CACNA1A: variants seen among roughly 807,000 people sequenced by gnomAD.
The protein encoded by CACNA1A is calcium voltage-gated channel subunit alpha1 A.
CACNA1A carries 57 observed loss-of-function variants against 262.4 expected under a neutral mutation model. That is an observed-to-expected ratio of 0.22 (90% CI 0.18 to 0.27). The LOEUF is 0.27. Among genes scored for constraint, CACNA1A ranks in the 10% least tolerant of loss-of-function variants. The probability of loss-of-function intolerance (pLI) is 1.00; values close to 1 mark genes in which losing one functional copy is unlikely to be tolerated. For missense variants in CACNA1A, 2,526 were observed against 3,562.8 expected (o/e 0.71, Z 7.41); for synonymous variants, 1,431 against 1,419.3 (o/e 1.01, Z -0.18).
At chr19:13,497,419 C>T (rs1264567872) in intron 1 of CACNA1A, among the ~76,000 whole-genome samples, 4 of 128,116 alleles carry the variant, frequency 3.1e-5, no homozygotes, top group Admixed American at 8.7e-5. Flanking sequence ...ACCCGGGAGG[C>T]GGAGGTTGCA....
chr19:13,294,410 G>A lies in CACNA1A; in HGVS notation c.3089+4134C>T, dbSNP rs538949993. On this transcript the variant is annotated intron_variant, in intron 19 of 46. Transcript: ENST00000360228. ...TTCTCTAAATGCTCAGGCTGGTCTC[G>A]AACTCCTGGGCTCAAGCAATCCTTT... Among the ~76,000 whole-genome samples the A allele has an allele frequency of 4.0e-5, 6 of 150,496 alleles. No individual in the cohort carries two copies. The South Asian group carries it at 8.4e-4, about 21-fold the overall frequency.
chr19:13,275,589 G>A (rs534118992), intron 24 of CACNA1A: 1 of 517,328 alleles, frequency 1.9e-6, no homozygotes, highest in Non-Finnish European at 3.5e-6. Context: ...ACAGCAAGGG[G>A]CCAGTGATGT....
chr19:13,461,459 G>A (rs2061123525), intron 1 of CACNA1A, among the ~76,000 whole-genome samples: 1 of 152,226 alleles, frequency 6.6e-6, no homozygotes, highest in Non-Finnish European at 1.5e-5. Flanking sequence ...CTCAAGCCAA[G>A]TCTCCATGAG....
At chr19:13,393,506 T>C (rs972877276) in intron 3 of CACNA1A, among the ~76,000 whole-genome samples, 1 of 69,980 alleles carries the variant, frequency 1.4e-5, no homozygotes, top group Non-Finnish European at 4.3e-5. Flanking sequence ...CTTCCTTCCT[T>C]TCCTTCCTTC....
At chr19:13,416,218 A>G (rs887936782) in intron 3 of CACNA1A, among the ~76,000 whole-genome samples, 5 of 152,112 alleles carry the variant, frequency 3.3e-5, no homozygotes, top group Admixed American at 2.6e-4. Flanking sequence ...CTCCTGCCTC[A>G]TCCTCCCGAG....
intron 40 of CACNA1A, chr19:13,213,986 A>C: frequency 1.2e-5 from 6 of 483,422 alleles, no homozygotes; most frequent in East Asian, 3.7e-5. Context: ...ATGCCTGGCT[A>C]ATGTTTTATT....
chr19:13,245,368 A>C (rs530790833), intron 30 of CACNA1A, 103 bp from the exon 31 acceptor site: 1 of 843,548 alleles, frequency 1.2e-6, no homozygotes, highest in East Asian at 2.5e-5. Context: ...CCATCAGCGG[A>C]GTGCCCGGGA....
rs554417222 is a variant in CACNA1A, at chr19:13,436,268, G to A, written c.539+16608C>T. On this transcript the variant is annotated intron_variant, in intron 3 of 46. Coordinates refer to ENST00000360228, the MANE Select transcript of CACNA1A (RefSeq NM_001127222.2). ...CCTTGGCTGGTACAGCTGCTGAGGC[G>A]AGTGTGATTCTGAGGTTGGGGCTTT... Among the ~76,000 whole-genome samples, 10 of 152,278 alleles carry A rather than the reference G, an allele frequency of 6.6e-5. No homozygotes were observed. In the East Asian group the frequency reaches 1.2e-3, roughly 18 times the overall value.
chr19:13,340,060 G>A (rs1465815374), intron 6 of CACNA1A, among the ~76,000 whole-genome samples: 1 of 152,168 alleles, frequency 6.6e-6, no homozygotes, highest in Non-Finnish European at 1.5e-5. Flanking sequence ...CCCAGGGAAC[G>A]AAACTCTGCA....
intron 8 of CACNA1A, 101 bp downstream of exon 8, chr19:13,334,277 T>A (rs1411209366): frequency 2.7e-6 from 2 of 729,402 alleles, no homozygotes; most frequent in Non-Finnish European, 5.0e-6. Context: ...TCTCCTCCCA[T>A]CATAACCCTC....
chr19:13,345,213 G>A lies in CACNA1A; in HGVS notation c.979-9304C>T, dbSNP rs183601542. Among the ~76,000 whole-genome samples the A allele has an allele frequency of 1.4e-4, 22 of 152,204 alleles. No homozygotes were observed. The East Asian group carries it at 2.5e-3, about 17-fold the overall frequency. On this transcript the variant is annotated intron_variant, in intron 6 of 46. Coordinates refer to ENST00000360228, the MANE Select transcript of CACNA1A (RefSeq NM_001127222.2). ...ATGAAATACTCCCCACATCTTCCTC[G>A]ATTCCCGCCATCTCTGTGCCTGGTG...
chr19:13,471,671 C>A (rs571950630), intron 1 of CACNA1A, among the ~76,000 whole-genome samples: 1 of 152,170 alleles, frequency 6.6e-6, no homozygotes, highest in East Asian at 1.9e-4. Flanking sequence ...AAGCCAGACA[C>A]GAAAGGTCAC....
At chr19:13,350,320 A>G (rs971865938) in intron 6 of CACNA1A, among the ~76,000 whole-genome samples, 2 of 152,148 alleles carry the variant, frequency 1.3e-5, no homozygotes, top group Non-Finnish European at 2.9e-5. Context: ...CTGCTAAACT[A>G]TCACCTCTTC....
chr19:13,496,236 G>A (rs1292316732), intron 1 of CACNA1A, among the ~76,000 whole-genome samples: 1 of 152,210 alleles, frequency 6.6e-6, no homozygotes, highest in Non-Finnish European at 1.5e-5. Context: ...CTCTTTCAAA[G>A]ACAACTCAAG....
intron 3 of CACNA1A, among the ~76,000 whole-genome samples, chr19:13,419,879 A>G (rs2060287452): frequency 6.6e-6 from 1 of 152,070 alleles, no homozygotes; most frequent in Non-Finnish European, 1.5e-5. Context: ...TGAGGTCAGG[A>G]GTTCGAGACC....
chr19:13,226,026 G>GTGA (rs2055423259), intron 37 of CACNA1A: 1 of 151,780 alleles, frequency 6.6e-6, no homozygotes, highest in African/African-American at 2.4e-5. Context: ...AGCTTCCCAG[G>GTGA]TGATAGAAAA....
chr19:13,330,468 C>A, intron 9 of CACNA1A, 135 bp from the exon 10 acceptor site: 1 of 711,718 alleles, frequency 1.4e-6, no homozygotes, highest in South Asian at 1.5e-5. Context: ...ACCCATTTTT[C>A]AGATGTGTAA....
At chr19:13,290,211 C>T (rs1048538264) in intron 19 of CACNA1A, among the ~76,000 whole-genome samples, 5 of 151,882 alleles carry the variant, frequency 3.3e-5, no homozygotes, top group African/African-American at 1.2e-4. Flanking sequence ...GTTAGGATTA[C>T]AGGCGTGAGC....
chr19:13,493,030 A>G (rs1480259733), intron 1 of CACNA1A, among the ~76,000 whole-genome samples: 1 of 152,202 alleles, frequency 6.6e-6, no homozygotes. Context: ...GGGCAACAGA[A>G]GGGGAAGGAG....
Sources: allele counts gnomAD v4.1 joint callset (sites outside exome capture counted in the v4.1 genomes callset), GRCh38; gene constraint gnomAD v4.1.1; transcripts MANE v1.5; gene names NCBI Gene and HGNC (gene_info 2026-07-23, HGNC 2026-07-21).